Variants in CSMD1 observed in about 807,000 individuals in gnomAD.
The protein encoded by CSMD1 is CUB and Sushi multiple domains 1, also known as CUB and sushi domain-containing protein 1.
A neutral mutation model predicts 417.5 loss-of-function variants in CSMD1; 213 were observed. The observed-to-expected ratio is 0.51, with a 90% CI of 0.46 to 0.57. The LOEUF (loss-of-function observed/expected upper bound fraction) is 0.57. Among genes scored for constraint, CSMD1 ranks in the 20% least tolerant of loss-of-function variants. The probability of loss-of-function intolerance (pLI) is 0.00; values close to 1 mark genes in which losing one functional copy is unlikely to be tolerated. For synonymous variants in CSMD1, 2,862 were observed against 1,736.8 expected (o/e 1.65, Z -16.11); for missense variants, 6,923 against 4,529.7 (o/e 1.53, Z -15.17).
At chr8:4,337,140 C>T (rs1347895442) in intron 3 of CSMD1, among the ~76,000 whole-genome samples, 1 of 152,090 alleles carries the variant, frequency 6.6e-6, no homozygotes, top group East Asian at 1.9e-4. Context: ...GGATCTTCTG[C>T]CCCCACCTTC....
At chr8:3,264,236 G>C (rs985059988) in intron 26 of CSMD1, among the ~76,000 whole-genome samples, 1 of 152,150 alleles carries the variant, frequency 6.6e-6, no homozygotes, top group African/African-American at 2.4e-5. Flanking sequence ...CATTCTCTGC[G>C]AATTCACCAG....
chr8:4,369,138 A>AT (rs1204808412), intron 3 of CSMD1, among the ~76,000 whole-genome samples: 2 of 152,092 alleles, frequency 1.3e-5, no homozygotes, highest in Admixed American at 1.3e-4. Context: ...AGATTCTGGT[A>AT]TTTTGTGTCT....
intron 26 of CSMD1, among the ~76,000 whole-genome samples, chr8:3,270,949 G>T (rs13273372): frequency 0.39 from 58,741 of 150,372 alleles, 11,453 homozygotes; most frequent in Admixed American, 0.42. Context: ...TTATTATACT[G>T]TAAGTTTTAG....
chr8:3,409,590 C>T lies in CSMD1; in HGVS notation c.1577G>A (p.Gly526Glu). 3 of 1,589,760 alleles carry T rather than the reference C, an allele frequency of 1.9e-6. No individual in the cohort carries two copies. Among genetic ancestry groups the T allele is most frequent in the Non-Finnish European group, 2.6e-6 (3 of 1,166,034 alleles). ...GGCGGGGATTCCAGGATCCCCACACCCTCCCTTTTCAATTTCTGAAAATGG... is the reference window on the plus strand; with the variant it reads ...GGCGGGGATTCCAGGATCCCCACACTCTCCCTTTTCAATTTCTGAAAATGG... ...KAVYQEIEKG[G>E]CGDPGIPAYG... Residue 526 changes from glycine to glutamate, a missense_variant, in exon 13 of 70, where the codon GGG (glycine) becomes GAG (glutamate). Physicochemically the swap from Gly to Glu is moderately conservative, Grantham distance 98 (BLOSUM62 -2). Transcript: ENST00000635120.
chr8:4,143,964 G>T (rs964196379), intron 3 of CSMD1, among the ~76,000 whole-genome samples: 1 of 151,366 alleles, frequency 6.6e-6, no homozygotes, highest in African/African-American at 2.5e-5. Context: ...TTGGCCCATA[G>T]CCAATCCAAG....
intron 5 of CSMD1, among the ~76,000 whole-genome samples, chr8:3,997,331 C>T (rs182658174): frequency 6.6e-6 from 1 of 152,286 alleles, no homozygotes; most frequent in Admixed American, 6.5e-5. Flanking sequence ...TTTCCTTTGT[C>T]TCTACTGGGG....
At chr8:4,130,426 C>T (rs1054800689) in intron 3 of CSMD1, among the ~76,000 whole-genome samples, 3 of 152,126 alleles carry the variant, frequency 2.0e-5, no homozygotes, top group African/African-American at 4.8e-5. Context: ...TCACCGTCAT[C>T]CTCAGTTTAG....
intron 36 of CSMD1, among the ~76,000 whole-genome samples, chr8:3,187,364 C>T (rs773159732): frequency 2.0e-4 from 30 of 152,048 alleles, no homozygotes; most frequent in African/African-American, 6.0e-4. Flanking sequence ...CTCGTCAAGG[C>T]GGGTGCATTC....
chr8:4,452,915 G>A (rs1488288368), intron 2 of CSMD1, among the ~76,000 whole-genome samples: 1 of 152,118 alleles, frequency 6.6e-6, no homozygotes, highest in African/African-American at 2.4e-5. Flanking sequence ...TGGGCACAGT[G>A]GTAACAGCCT....
At chr8:4,749,486 C>G (rs990441995) in intron 1 of CSMD1, among the ~76,000 whole-genome samples, 4 of 152,154 alleles carry the variant, frequency 2.6e-5, no homozygotes, top group African/African-American at 9.7e-5. Context: ...ATTCCAAGAA[C>G]CATTAGTGAT....
intron 3 of CSMD1, among the ~76,000 whole-genome samples, chr8:4,081,553 G>T (rs1449672701): frequency 6.6e-6 from 1 of 152,080 alleles, no homozygotes; most frequent in Non-Finnish European, 1.5e-5. Context: ...CCGAAGCTGT[G>T]CTCATGTTGA....
At chr8:3,110,035 T>C in intron 43 of CSMD1, 123 bp downstream of exon 43, 1 of 830,726 alleles carries the variant, frequency 1.2e-6, no homozygotes, top group South Asian at 2.0e-5. Flanking sequence ...CGTTGGTGAA[T>C]TTCTTCTCTA....
chr8:4,477,031 C>T (rs1201731559), intron 2 of CSMD1, among the ~76,000 whole-genome samples: 1 of 152,196 alleles, frequency 6.6e-6, no homozygotes, highest in Non-Finnish European at 1.5e-5. Flanking sequence ...GGATTTCCCT[C>T]CCGCAGGGCT....
chr8:4,410,228 G>A (rs894129367), intron 3 of CSMD1, among the ~76,000 whole-genome samples: 4 of 152,186 alleles, frequency 2.6e-5, no homozygotes, highest in African/African-American at 9.7e-5. Context: ...AACTAATTCT[G>A]TAAGCCTCAT....
chr8:3,024,894 C>T (rs865841990), intron 51 of CSMD1, among the ~76,000 whole-genome samples: 15 of 152,192 alleles, frequency 9.9e-5, no homozygotes, highest in African/African-American at 3.1e-4. Flanking sequence ...AACTGTTGTT[C>T]GTACTGTTCC....
rs538290575 is a variant in CSMD1 at position 4,542,827 on chromosome 8, T to C, written c.302+94515A>G. Among the ~76,000 whole-genome samples, 7 of 152,308 alleles carry C rather than the reference T, an allele frequency of 4.6e-5. No individual in the cohort carries two copies. In the South Asian group the frequency reaches 1.5e-3, roughly 32 times the overall value. ...AATATAACATGATTATATTATTAAA[T>C]ATTTGTAAATAAAGAAAAAAGTTTT... is the stretch of plus-strand genomic sequence containing the variant. On this transcript the variant is annotated intron_variant, in intron 2 of 69. Coordinates refer to ENST00000635120, the MANE Select transcript of CSMD1 (RefSeq NM_033225.6).
At chr8:4,565,681 G>C (rs1231263556) in intron 2 of CSMD1, among the ~76,000 whole-genome samples, 1 of 149,982 alleles carries the variant, frequency 6.7e-6, no homozygotes, top group Non-Finnish European at 1.5e-5. Flanking sequence ...GTTGCAGTGA[G>C]CTGGGATTGT....
chr8:3,928,902 T>C (rs1489530664), intron 5 of CSMD1, among the ~76,000 whole-genome samples: 1 of 149,754 alleles, frequency 6.7e-6, no homozygotes, highest in African/African-American at 2.5e-5. Flanking sequence ...TCAGTGATCT[T>C]TCTTTTCGTA....
intron 4 of CSMD1, among the ~76,000 whole-genome samples, chr8:4,031,544 C>T (rs549602848): frequency 2.0e-5 from 3 of 152,232 alleles, no homozygotes; most frequent in South Asian, 2.1e-4. Flanking sequence ...TGGGAACTAC[C>T]GTTCAACATG....
Sources: allele counts gnomAD v4.1 joint callset (sites outside exome capture counted in the v4.1 genomes callset), GRCh38; gene constraint gnomAD v4.1.1; transcripts MANE v1.5; gene names NCBI Gene and HGNC (gene_info 2026-07-23, HGNC 2026-07-21).